Variants in PPHLN1 observed in about 807,000 individuals in gnomAD.
PPHLN1 encodes the protein periphilin-1.
A neutral mutation model predicts 51.3 loss-of-function variants in PPHLN1; 29 were observed. The observed-to-expected ratio is 0.57, with a 90% CI of 0.42 to 0.77. PPHLN1 has a LOEUF of 0.77. PPHLN1 is among the 30% of genes least tolerant of loss of function. The pLI, the probability that PPHLN1 is intolerant of heterozygous loss-of-function variation, is 0.00. For synonymous variants in PPHLN1, 147 were observed against 147.8 expected, an observed-to-expected ratio of 0.99 and a Z score of 0.04; for missense variants, 436 against 438.4, an observed-to-expected ratio of 0.99 and a Z score of 0.05.
chr12:42,444,499 G>A (rs1219905490), downstream of PPHLN1: 1 of 150,892 alleles, frequency 6.6e-6, no homozygotes, highest in African/African-American at 2.5e-5. Flanking sequence ...TCCCCTACAG[G>A]ATTAATAGGA....
Position 42,377,305 on chromosome 12 carries a change from T to C in PPHLN1, c.511+2231T>C, listed in dbSNP as rs541502702. On this transcript the variant is annotated intron_variant, in intron 5 of 9. Transcript: ENST00000358314. Reference sequence around the variant, plus strand: ...GACCCTTAAAATTTTTTCTTTCTTTTTTTTTTTTTTTTTTTGTCTGAGACG... The same window carrying C: ...GACCCTTAAAATTTTTTCTTTCTTTCTTTTTTTTTTTTTTTGTCTGAGACG... 5.3e-3 allele frequency among the ~76,000 whole-genome samples: 771 copies of C among 145,124 alleles called. 2 individuals are homozygous for C. Among genetic ancestry groups the C allele is most frequent in the African/African-American group, 0.018 (688 of 39,146 alleles).
At chr12:42,360,612 C>G (rs73122418) in intron 4 of PPHLN1, among the ~76,000 whole-genome samples, 42,432 of 151,442 alleles carry the variant, frequency 0.28, 7,283 homozygotes, top group Non-Finnish European at 0.38. Context: ...TCCCCTGCCT[C>G]AGCCTCCAAG....
At chr12:42,334,530 C>T (rs1162058079) in intron 1 of PPHLN1, among the ~76,000 whole-genome samples, 2 of 152,184 alleles carry the variant, frequency 1.3e-5, no homozygotes, top group Non-Finnish European at 1.5e-5. Context: ...AATTCTATAG[C>T]TGTTCTGTAC....
chr12:42,328,646 A>C (rs2069172103), intron 1 of PPHLN1, among the ~76,000 whole-genome samples: 1 of 152,264 alleles, frequency 6.6e-6, no homozygotes, highest in Non-Finnish European at 1.5e-5. Context: ...GGCTTATAAA[A>C]GAAGTATCCT....
chr12:42,374,860 A>T lies in PPHLN1; in HGVS notation c.300-3A>T. Reference sequence around the variant, plus strand: ...TTATTTTATGTTTTTTTTTTTTTCAAAGGGACATGAGAGATGGCTTTAGAA... The same window carrying T: ...TTATTTTATGTTTTTTTTTTTTTCATAGGGACATGAGAGATGGCTTTAGAA... On this transcript the variant is annotated splice_polypyrimidine_tract_variant and splice_region_variant and intron_variant, in intron 4 of 9. Transcript: ENST00000358314. 1.3e-6 allele frequency: 2 copies of T among 1,573,112 alleles called. No individual in the cohort carries two copies. Among genetic ancestry groups the T allele is most frequent in the Admixed American group, 2.0e-5 (1 of 50,022 alleles).
In PPHLN1 at chr12:42,341,203, A is replaced by G. The variant is rs534359090; in HGVS notation, c.72+5229A>G. Among the ~76,000 whole-genome samples the G allele has an allele frequency of 2.6e-4, 39 of 152,132 alleles. No homozygotes were observed. The South Asian group carries it at 5.4e-3, about 21-fold the overall frequency. On this transcript the variant is annotated intron_variant, in intron 2 of 9. Transcript: ENST00000358314. The stretch of plus-strand genomic sequence containing the variant: ...TTGCCATGTTGACCAGGCTGGTTTC[A>G]AACTCCTGACCTCAGGTGATCCGCC...
chr12:42,365,855 G>A (rs1221779572), intron 4 of PPHLN1, among the ~76,000 whole-genome samples: 2 of 152,230 alleles, frequency 1.3e-5, no homozygotes, highest in South Asian at 4.1e-4. Context: ...TGGTTGTATT[G>A]TTATTTATAT....
Position 42,441,176 on chromosome 12 carries a change from G to A in PPHLN1, c.910-139G>A, listed in dbSNP as rs1374157974. The A allele has an allele frequency of 1.1e-5, 14 of 1,222,078 alleles. No homozygotes were observed. The Admixed American group carries it at 1.5e-4, about 13-fold the overall frequency. 75.7% of individuals were successfully genotyped at this position (1,222,078 alleles called of 1,614,324 possible). On this transcript the variant is annotated intron_variant, in intron 9 of 9. Coordinates refer to ENST00000358314, the MANE Select transcript of PPHLN1 (RefSeq NM_201439.2). Reference sequence around the variant, plus strand: ...AATGGCCTCTGGTAATAGTGACAATGCAAGGGCGAGAAAGGTTCCGCTTTC... The same window carrying A: ...AATGGCCTCTGGTAATAGTGACAATACAAGGGCGAGAAAGGTTCCGCTTTC...
intron 9 of PPHLN1, among the ~76,000 whole-genome samples, chr12:42,436,701 A>G (rs896555): frequency 0.3 from 45,882 of 152,004 alleles, 7,868 homozygotes; most frequent in Non-Finnish European, 0.38. Context: ...TGTTTTACCA[A>G]TCCGACAACT....
At chr12:42,417,902 A>AT (rs2080546710) in intron 9 of PPHLN1, among the ~76,000 whole-genome samples, 1 of 147,090 alleles carries the variant, frequency 6.8e-6, no homozygotes, top group Non-Finnish European at 1.5e-5. Flanking sequence ...GAGGGAAAAA[A>AT]GAAAAAAAAA....
downstream of PPHLN1, chr12:42,448,165 A>T (rs1365750634): frequency 6.6e-6 from 1 of 152,600 alleles, no homozygotes; most frequent in Admixed American, 6.5e-5. Context: ...AGAAACTACC[A>T]AAGGCTCAGG....
At chr12:42,439,264 A>T (rs2082733255) in intron 9 of PPHLN1, among the ~76,000 whole-genome samples, 1 of 152,224 alleles carries the variant, frequency 6.6e-6, no homozygotes, top group Non-Finnish European at 1.5e-5. Context: ...ATGTAGATAG[A>T]TAACCAGTTG....
intron 4 of PPHLN1, among the ~76,000 whole-genome samples, chr12:42,373,216 A>G (rs2075961144): frequency 6.6e-6 from 1 of 152,058 alleles, no homozygotes; most frequent in Non-Finnish European, 1.5e-5. Context: ...AATTTCTAAA[A>G]CCTGTTTATT....
intron 9 of PPHLN1, among the ~76,000 whole-genome samples, chr12:42,414,232 A>G (rs1285721742): frequency 1.3e-5 from 2 of 150,968 alleles, no homozygotes; most frequent in Non-Finnish European, 1.5e-5. Context: ...AGGGGGTTTC[A>G]CCACGTTGGC....
chr12:42,364,453 G>A (rs1394993972), intron 4 of PPHLN1, among the ~76,000 whole-genome samples: 3 of 151,926 alleles, frequency 2.0e-5, no homozygotes, highest in Admixed American at 1.3e-4. Context: ...AACATAAGGC[G>A]ACCCCATTTC....
intron 9 of PPHLN1, among the ~76,000 whole-genome samples, chr12:42,401,144 T>C (rs2078808919): frequency 6.6e-6 from 1 of 152,196 alleles, no homozygotes; most frequent in African/African-American, 2.4e-5. Flanking sequence ...TCAACCTTTC[T>C]TAAAAATTGT....
intron 1 of PPHLN1, among the ~76,000 whole-genome samples, chr12:42,331,609 T>A (rs2137689756): frequency 6.6e-6 from 1 of 152,350 alleles, no homozygotes; most frequent in Non-Finnish European, 1.5e-5. Flanking sequence ...CCGTCTTCAT[T>A]GAATATGGCA....
At chr12:42,416,456 A>G (rs1276827741) in intron 9 of PPHLN1, among the ~76,000 whole-genome samples, 3 of 152,152 alleles carry the variant, frequency 2.0e-5, no homozygotes, top group Non-Finnish European at 4.4e-5. Context: ...GTGTCCAACA[A>G]TACTGCCCTT....
At chr12:42,435,158 CAT>C (rs2082371834) in intron 9 of PPHLN1, among the ~76,000 whole-genome samples, 1 of 152,170 alleles carries the variant, frequency 6.6e-6, no homozygotes, top group African/African-American at 2.4e-5. Context: ...ATAAAAAAGT[CAT>C]AATTAAGGAT....
Sources: allele counts gnomAD v4.1 joint callset (sites outside exome capture counted in the v4.1 genomes callset), GRCh38; gene constraint gnomAD v4.1.1; transcripts MANE v1.5; gene names NCBI Gene and HGNC (gene_info 2026-07-23, HGNC 2026-07-21).